Variants in WNT7A observed in about 807,000 individuals in gnomAD.
WNT7A encodes protein Wnt-7a.
In WNT7A, 16 loss-of-function variants were observed where a neutral mutation model predicts 28.2. The ratio of observed to expected loss-of-function variants is 0.57; its 90% CI spans 0.38 to 0.86. WNT7A has a LOEUF of 0.86. WNT7A is among the 40% of genes least tolerant of loss of function. The probability of loss-of-function intolerance (pLI) is 0.00; values close to 1 mark genes in which losing one functional copy is unlikely to be tolerated. For synonymous variants in WNT7A, 190 were observed against 195.9 expected, an observed-to-expected ratio of 0.97 and a Z score of 0.25; for missense variants, 411 against 489.7, an observed-to-expected ratio of 0.84 and a Z score of 1.52.
intron 2 of WNT7A, among the ~76,000 whole-genome samples, chr3:13,869,905 C>T (rs571520327): frequency 3.3e-5 from 5 of 152,290 alleles, no homozygotes; most frequent in East Asian, 3.9e-4. Context: ...TCTGAGCCAC[C>T]GTCTCCTGAG....
chr3:13,870,773 C>T (rs1311802541), intron 2 of WNT7A, among the ~76,000 whole-genome samples: 4 of 152,236 alleles, frequency 2.6e-5, no homozygotes, highest in African/African-American at 9.6e-5. Flanking sequence ...TCCCGCTGCC[C>T]CAAGAGGTGG....
At chr3:13,821,860 G>A (rs1559293808) in intron 3 of WNT7A, among the ~76,000 whole-genome samples, 1 of 152,214 alleles carries the variant, frequency 6.6e-6, no homozygotes, top group African/African-American at 2.4e-5. Context: ...ATGGTTTATG[G>A]TTACATGGAT....
Position 13,818,368 on chromosome 3 carries a change from A to AAAAAAAAAAAAAAAAAAG in WNT7A, c.*575_*576insCTTTTTTTTTTTTTTTTT, listed in dbSNP as rs1575056906. ...GCAAACAGCAAAAAAAAAAAAAAAA[A>AAAAAAAAAAAAAAAAAAG]TGTGTGTGTGTATATCTATATATGC... is the stretch of plus-strand genomic sequence containing the variant. On this transcript the variant is annotated 3_prime_UTR_variant, in exon 4 of 4. Transcript: ENST00000285018. 5.3e-5 allele frequency: 8 copies of AAAAAAAAAAAAAAAAAAG among 150,132 alleles called. No homozygotes were observed. Among genetic ancestry groups the AAAAAAAAAAAAAAAAAAG allele is most frequent in the Non-Finnish European group, 5.9e-5 (4 of 67,594 alleles). The allele number at this position is 150,132 out of a possible 1,614,324, so 9.3% of individuals were successfully genotyped here. A position where few individuals can be genotyped will look rare whatever the true frequency, so the allele number is the denominator to read the frequency against.
chr3:13,868,926 A>AGAAG (rs1484583298), intron 2 of WNT7A, among the ~76,000 whole-genome samples: 1 of 147,034 alleles, frequency 6.8e-6, no homozygotes. Context: ...AAGGAAGGAA[A>AGAAG]GAAGGAAGGA....
chr3:13,836,125 A>G (rs1404086180), intron 3 of WNT7A, among the ~76,000 whole-genome samples: 3 of 152,010 alleles, frequency 2.0e-5, no homozygotes, highest in Admixed American at 6.5e-5. Context: ...TGAATACCCT[A>G]AAAACCTTGG....
At chr3:13,878,542 T>C (rs1050558837) in intron 1 of WNT7A, among the ~76,000 whole-genome samples, 6 of 152,134 alleles carry the variant, frequency 3.9e-5, no homozygotes, top group African/African-American at 1.4e-4. Flanking sequence ...TGGCGGCCCC[T>C]GGTCGGCTCT....
In WNT7A at chr3:13,875,718, GA is replaced by G. The variant is rs371805038; in HGVS notation, c.72-546del. 6.0e-3 allele frequency among the ~76,000 whole-genome samples: 914 copies of G among 151,828 alleles called. 6 individuals are homozygous for G. Among genetic ancestry groups the G allele is most frequent in the African/African-American group, 0.02 (840 of 41,390 alleles). On this transcript the variant is annotated intron_variant, in intron 1 of 3. Transcript: ENST00000285018. The stretch of plus-strand genomic sequence containing the variant: ...CATGTATGTATATGTTTTATTGTTG[GA>G]AAAAAAACTTAAAAAGTAATTGTAA...
intron 1 of WNT7A, among the ~76,000 whole-genome samples, chr3:13,878,322 G>C (rs1695143396): frequency 1.3e-5 from 2 of 152,204 alleles, no homozygotes; most frequent in Non-Finnish European, 2.9e-5. Context: ...CACGCGGCCC[G>C]AGTCAATCGG....
At chr3:13,825,872 T>C (rs1471010947) in intron 3 of WNT7A, among the ~76,000 whole-genome samples, 1 of 152,240 alleles carries the variant, frequency 6.6e-6, no homozygotes, top group Non-Finnish European at 1.5e-5. Context: ...TATTCCTTTA[T>C]ACAGATCCCC....
chr3:13,874,561 C>A (rs1314005337), intron 2 of WNT7A, among the ~76,000 whole-genome samples: 2 of 152,154 alleles, frequency 1.3e-5, no homozygotes, highest in African/African-American at 4.8e-5. Context: ...AAGGTCTTTG[C>A]AACCACATGG....
chr3:13,828,271 C>A lies in WNT7A; in HGVS notation c.571-8848G>T, dbSNP rs78492920. On this transcript the variant is annotated intron_variant, in intron 3 of 3. Transcript: ENST00000285018. ...AGAGCTGTGGACAGGCATCGTGCAA[C>A]CACATGGGGCCAGAGGATGGCATCA... Among the ~76,000 whole-genome samples the A allele has an allele frequency of 4.0e-3, 603 of 152,252 alleles. 3 individuals carry two copies. Among genetic ancestry groups the A allele is most frequent in the African/African-American group, 0.013 (555 of 41,538 alleles).
At chr3:13,845,251 C>T (rs1694520440) in intron 3 of WNT7A, among the ~76,000 whole-genome samples, 1 of 152,164 alleles carries the variant, frequency 6.6e-6, no homozygotes. Flanking sequence ...AAGACATTTT[C>T]AGGCCCCTTA....
intron 2 of WNT7A, among the ~76,000 whole-genome samples, chr3:13,870,175 T>C (rs1695008895): frequency 1.3e-5 from 2 of 152,214 alleles, no homozygotes; most frequent in South Asian, 4.1e-4. Flanking sequence ...ACTGAGTCAG[T>C]ACCTCAGAGT....
At chr3:13,820,928 G>A (rs1306702152) in intron 3 of WNT7A, among the ~76,000 whole-genome samples, 1 of 152,152 alleles carries the variant, frequency 6.6e-6, no homozygotes, top group Admixed American at 6.5e-5. Context: ...AGAACACCTG[G>A]CATCACAGAG....
chr3:13,879,926 C>T lies in WNT7A; in HGVS notation c.-110G>A. On this transcript the variant is annotated 5_prime_UTR_variant, in exon 1 of 4. Transcript: ENST00000285018. Reference sequence around the variant, plus strand: ...CGGGAGGCGCGAGCCGAGGCGTCCCCGGGGCCGTCTGTCGGTGCGCCCGTC... The same window carrying T: ...CGGGAGGCGCGAGCCGAGGCGTCCCTGGGGCCGTCTGTCGGTGCGCCCGTC... The T allele has an allele frequency of 1.2e-6, 1 of 848,910 alleles. No homozygotes were observed. Among genetic ancestry groups the T allele is most frequent in the Non-Finnish European group, 1.6e-6 (1 of 621,792 alleles). The allele number at this position is 848,910 out of a possible 1,614,324, so 52.6% of individuals were successfully genotyped here.
At chr3:13,819,475 C>T (rs1189248792) in intron 3 of WNT7A, 52 bp from the exon 4 acceptor site, 1 of 1,590,332 alleles carries the variant, frequency 6.3e-7, no homozygotes, top group Admixed American at 1.7e-5. Flanking sequence ...ACGCCAAGGC[C>T]AAGTGCAGCC....
chr3:13,823,500 G>C (rs1694144480), intron 3 of WNT7A, among the ~76,000 whole-genome samples: 1 of 152,196 alleles, frequency 6.6e-6, no homozygotes, highest in African/African-American at 2.4e-5. Context: ...AGCTAGCCAG[G>C]CATCAACCCT....
intron 1 of WNT7A, among the ~76,000 whole-genome samples, chr3:13,875,556 C>T (rs1040224083): frequency 3.2e-4 from 48 of 152,200 alleles, no homozygotes; most frequent in African/African-American, 1.2e-3. Context: ...GGAATCATCT[C>T]TTTGGTAAAA....
chr3:13,825,940 G>A (rs560441086), intron 3 of WNT7A, among the ~76,000 whole-genome samples: 11 of 152,246 alleles, frequency 7.2e-5, no homozygotes, highest in African/African-American at 1.7e-4. Context: ...GAACCCCACC[G>A]GCCACACTCC....
Sources: allele counts gnomAD v4.1 joint callset (sites outside exome capture counted in the v4.1 genomes callset), GRCh38; gene constraint gnomAD v4.1.1; transcripts MANE v1.5; gene names NCBI Gene and HGNC (gene_info 2026-07-23, HGNC 2026-07-21).